The following RRM2B variants were observed in gnomAD, a reference collection of about 807,000 sequenced individuals.
RRM2B encodes ribonucleotide reductase regulatory TP53 inducible subunit M2B.
RRM2B carries 20 observed loss-of-function variants against 45.9 expected under a neutral mutation model. That is an observed-to-expected ratio of 0.44 (90% CI 0.31 to 0.63). RRM2B has a LOEUF of 0.63. RRM2B is among the 30% of genes least tolerant of loss of function. The probability of loss-of-function intolerance (pLI) is 0.09; values close to 1 mark genes in which losing one functional copy is unlikely to be tolerated. For missense variants in RRM2B, 320 were observed against 414.7 expected, an observed-to-expected ratio of 0.77 and a Z score of 1.98; for synonymous variants, 124 against 132.3, an observed-to-expected ratio of 0.94 and a Z score of 0.43.
At chr8:102,222,139 G>A (rs1025235814) in intron 5 of RRM2B, among the ~76,000 whole-genome samples, 1 of 151,434 alleles carries the variant, frequency 6.6e-6, no homozygotes, top group Non-Finnish European at 1.5e-5. Flanking sequence ...CAGCACAGTG[G>A]ATCATAGCTC....
intron 1 of RRM2B, among the ~76,000 whole-genome samples, chr8:102,235,422 A>G (rs1811102344): frequency 6.6e-6 from 1 of 152,330 alleles, no homozygotes. Flanking sequence ...AAATCAGACA[A>G]AAATTTTGCT....
chr8:102,228,363 C>T (rs546254817), intron 2 of RRM2B, among the ~76,000 whole-genome samples: 2 of 152,314 alleles, frequency 1.3e-5, no homozygotes, highest in South Asian at 4.1e-4. Context: ...TCATTGGCAA[C>T]AAAATCCTCT....
Position 102,208,193 on chromosome 8 carries a change from C to G in RRM2B, c.996G>C (p.Gln332His). The stretch of plus-strand genomic sequence containing the variant: ...TGGTTTCTGCCATAACTGCAAAACG[C>G]TGATACTCTGAAACTCGTTTCTCAA... Reference protein sequence around the residue: ...NFFEKRVSEYQRFAVMAETTD... With the variant: ...NFFEKRVSEYHRFAVMAETTD... Residue 332 changes from glutamine (Q) to histidine (H), a missense_variant, in exon 9 of 9, where the codon CAG becomes CAC. By Grantham distance (24) the Gln-to-His change is conservative. This residue lies in a region of RRM2B where 47 missense variants were observed against 90.0 expected (regional missense o/e 0.52). Transcript: ENST00000251810. 1 of 1,612,980 alleles carries G rather than the reference C, an allele frequency of 6.2e-7. No individual in the cohort carries two copies. The highest frequency in any genetic ancestry group is 8.5e-7 in the Non-Finnish European group (1 of 1,179,134).
rs1810555463 is a variant in RRM2B, at chr8:102,207,045, GC to G, written c.*1087del. The G allele has an allele frequency of 6.6e-6, 1 of 152,110 alleles. No individual in the cohort carries two copies. Among genetic ancestry groups the G allele is most frequent in the African/African-American group, 2.4e-5 (1 of 41,426 alleles). The allele number at this position is 152,110 out of a possible 1,614,324, so 9.4% of individuals were successfully genotyped here. On this transcript the variant is annotated 3_prime_UTR_variant, in exon 9 of 9. Coordinates refer to ENST00000251810, the MANE Select transcript of RRM2B (RefSeq NM_015713.5). ...TTCCTCTATGTATAAATGGTTCTCG[GC>G]CAGCTTTTTCCAATCTTTGTTCTGA... is the stretch of plus-strand genomic sequence containing the variant.
At chr8:102,215,499 A>G (rs539565648) in intron 6 of RRM2B, among the ~76,000 whole-genome samples, 18 of 152,280 alleles carry the variant, frequency 1.2e-4, no homozygotes, top group African/African-American at 4.3e-4. Flanking sequence ...TACAGAAAGC[A>G]ATACCAATCA....
intron 5 of RRM2B, among the ~76,000 whole-genome samples, chr8:102,222,606 G>A (rs28928580): frequency 0.012 from 1,850 of 152,084 alleles, 15 homozygotes; most frequent in Non-Finnish European, 0.019. Flanking sequence ...CTTTACAATG[G>A]TATTTTCTAG....
At chr8:102,219,057 A>C in intron 5 of RRM2B, 110 bp from the exon 6 acceptor site, 1 of 1,201,550 alleles carries the variant, frequency 8.3e-7, no homozygotes, top group African/African-American at 1.5e-5. Context: ...AAGAAACAAA[A>C]TACACAAGTT....
chr8:102,213,938 A>G, intron 7 of RRM2B, 116 bp downstream of exon 7: 1 of 743,046 alleles, frequency 1.3e-6, no homozygotes, highest in Non-Finnish European at 2.4e-6. Context: ...CAGGCTGACC[A>G]GAATAAAATT....
intron 1 of RRM2B, chr8:102,238,583 G>A: frequency 6.6e-7 from 1 of 1,525,536 alleles, no homozygotes; most frequent in Non-Finnish European, 8.8e-7. Flanking sequence ...TCCAAGCGTC[G>A]TCCTTGGCTG....
At chr8:102,225,056 A>T (rs748451326) in intron 3 of RRM2B, 38 bp from the exon 4 acceptor site, 1 of 1,610,766 alleles carries the variant, frequency 6.2e-7, no homozygotes, top group Admixed American at 1.7e-5. Context: ...CCAGTTCTAT[A>T]GGCTCTCATT....
chr8:102,236,696 AAATT>A (rs1310936245), intron 1 of RRM2B, among the ~76,000 whole-genome samples: 6 of 152,236 alleles, frequency 3.9e-5, no homozygotes, highest in Non-Finnish European at 5.9e-5. Context: ...AGAAACAACA[AAATT>A]ATTATAGCCG....
Position 102,206,446 on chromosome 8 carries a change from G to C in RRM2B, c.*1687C>G, listed in dbSNP as rs2132538030. 6.6e-6 allele frequency: 1 copy of C among 152,274 alleles called. No individual in the cohort carries two copies. The highest frequency in any genetic ancestry group is 2.1e-4 in the South Asian group (1 of 4,832). 9.4% of individuals were successfully genotyped at this position (152,274 alleles called of 1,614,324 possible). ...ATTATCATAGGCCAAAAGATCTCAA[G>C]TTTCTGACAGTGTATCTAACAAATA... On this transcript the variant is annotated 3_prime_UTR_variant, in exon 9 of 9. Coordinates refer to ENST00000251810, the MANE Select transcript of RRM2B (RefSeq NM_015713.5).
chr8:102,237,538 A>T (rs1228507323), intron 1 of RRM2B, among the ~76,000 whole-genome samples: 1 of 152,252 alleles, frequency 6.6e-6, no homozygotes, highest in Non-Finnish European at 1.5e-5. Context: ...CTAGAAAAAC[A>T]AAGTGCTTCA....
Position 102,232,241 on chromosome 8 carries a change from T to C in RRM2B, c.112A>G (p.Ser38Gly). 1 of 1,614,130 alleles carries C rather than the reference T, an allele frequency of 6.2e-7. No homozygotes were observed. Among genetic ancestry groups the C allele is most frequent in the Non-Finnish European group, 8.5e-7 (1 of 1,179,938 alleles). Residue 38 changes from serine to glycine, a missense_variant, in exon 2 of 9, where the codon AGT (serine) becomes GGT (glycine). Physicochemically the swap from Ser to Gly is moderately conservative, Grantham distance 56 (BLOSUM62 0). Transcript: ENST00000251810. ...KSNEEPLLRKSSRRFVIFPIQ... is the reference protein window; with the variant it reads ...KSNEEPLLRKGSRRFVIFPIQ... ...GGAAAGATGACAAACCGGCGAGAACTCTTTCTTAGGAGTGGCTCTTCATTT... is the reference window on the plus strand; with the variant it reads ...GGAAAGATGACAAACCGGCGAGAACCCTTTCTTAGGAGTGGCTCTTCATTT...
At chr8:102,230,351 A>G (rs1811006599) in intron 2 of RRM2B, among the ~76,000 whole-genome samples, 1 of 152,222 alleles carries the variant, frequency 6.6e-6, no homozygotes, top group South Asian at 2.1e-4. Flanking sequence ...CAGTTTTTAA[A>G]AATTAGTGTT....
At chr8:102,229,361 C>T (rs755299450) in intron 2 of RRM2B, among the ~76,000 whole-genome samples, 16 of 152,192 alleles carry the variant, frequency 1.1e-4, no homozygotes, top group Non-Finnish European at 1.9e-4. Context: ...TAATCACATG[C>T]TATTTTCCAA....
At chr8:102,232,328 C>T (rs376946985) in intron 1 of RRM2B, 24 bp from the exon 2 acceptor site, 468 of 1,609,164 alleles carry the variant, frequency 2.9e-4, no homozygotes, top group South Asian at 4.3e-4. Flanking sequence ...AGTACAAACA[C>T]GCCTTTTATA....
chr8:102,238,413 C>A, intron 1 of RRM2B: 1 of 625,812 alleles, frequency 1.6e-6, no homozygotes, highest in Non-Finnish European at 2.4e-6. Context: ...TTCTCCAACT[C>A]CTTGTCACCA....
chr8:102,210,089 T>G (rs1413882848), intron 8 of RRM2B, among the ~76,000 whole-genome samples: 1 of 152,214 alleles, frequency 6.6e-6, no homozygotes, highest in East Asian at 1.9e-4. Flanking sequence ...TAGGTTGTTA[T>G]GATGGTTGTA....
Sources: allele counts gnomAD v4.1 joint callset (sites outside exome capture counted in the v4.1 genomes callset), GRCh38; gene constraint gnomAD v4.1.1; regional missense constraint gnomAD v4.1.1; transcripts MANE v1.5; gene names NCBI Gene and HGNC (gene_info 2026-07-23, HGNC 2026-07-21).